Variants in PARG observed in about 807,000 individuals in gnomAD.
The protein encoded by PARG is poly(ADP-ribose) glycohydrolase.
PARG carries 35 observed loss-of-function variants against 113.0 expected under a neutral mutation model. The ratio of observed to expected loss-of-function variants is 0.31; its 90% confidence interval spans 0.24 to 0.41. The LOEUF is 0.41. Ranked by LOEUF, PARG falls within the 10% of genes least tolerant of loss-of-function variation. The pLI is 1.00. For missense variants in PARG, 797 were observed against 1,169.4 expected, an observed-to-expected ratio of 0.68 and a Z score of 4.64; for synonymous variants, 330 against 409.9, an observed-to-expected ratio of 0.81 and a Z score of 2.36.
intron 4 of PARG, among the ~76,000 whole-genome samples, chr10:49,930,106 C>A (rs1303201058): frequency 6.6e-6 from 1 of 152,186 alleles, no homozygotes; most frequent in Non-Finnish European, 1.5e-5. Flanking sequence ...AGCAAGGGAA[C>A]CTTGGCTCTG....
intron 7 of PARG, among the ~76,000 whole-genome samples, chr10:49,885,507 T>C (rs1156976746): frequency 1.3e-5 from 2 of 152,210 alleles, no homozygotes; most frequent in Admixed American, 1.3e-4. Flanking sequence ...ATATTTGGCA[T>C]TAAGGCAATT....
At chr10:49,929,036 T>G (rs1838358021) in intron 4 of PARG, among the ~76,000 whole-genome samples, 2 of 152,350 alleles carry the variant, frequency 1.3e-5, no homozygotes, top group Non-Finnish European at 2.9e-5. Flanking sequence ...ACAATAGTCT[T>G]GCATTGCTGT....
chr10:49,836,992 T>C (rs1196326997), intron 15 of PARG, among the ~76,000 whole-genome samples: 1 of 152,192 alleles, frequency 6.6e-6, no homozygotes, highest in East Asian at 1.9e-4. Flanking sequence ...TTTGCCACTT[T>C]TACAAGCTGA....
At chr10:49,852,293 A>G (rs189323357) in intron 13 of PARG, among the ~76,000 whole-genome samples, 212 of 152,218 alleles carry the variant, frequency 1.4e-3, no homozygotes, top group African/African-American at 3.0e-3. Context: ...AAGTCACCCC[A>G]TATGTCCTTA....
chr10:49,883,839 C>A (rs1345266966), intron 8 of PARG, among the ~76,000 whole-genome samples: 16 of 140,564 alleles, frequency 1.1e-4, no homozygotes, highest in Middle Eastern at 7.6e-3. Flanking sequence ...TGGTCTAATA[C>A]CCCTCCCCCT....
intron 15 of PARG, among the ~76,000 whole-genome samples, chr10:49,836,509 AAAG>A (rs1588878015): frequency 6.6e-6 from 1 of 152,034 alleles, no homozygotes. Flanking sequence ...ATATAAAATG[AAAG>A]AAGTATGCAG....
chr10:49,914,349 T>TA (rs1199833922), intron 7 of PARG, among the ~76,000 whole-genome samples: 1 of 152,202 alleles, frequency 6.6e-6, no homozygotes, highest in Non-Finnish European at 1.5e-5. Context: ...TCATATCAGA[T>TA]ATTACATTGC....
chr10:49,887,296 A>AT (rs553347099), intron 7 of PARG, among the ~76,000 whole-genome samples: 294 of 152,308 alleles, frequency 1.9e-3, no homozygotes, highest in African/African-American at 6.3e-3. Flanking sequence ...CAATGGTTAC[A>AT]TTTCACATTA....
At chr10:49,920,451 T>TAAAAAAAAAAAAA (rs781928566) in intron 6 of PARG, among the ~76,000 whole-genome samples, 13 of 39,854 alleles carry the variant, frequency 3.3e-4, no homozygotes, top group Non-Finnish European at 4.4e-4. Flanking sequence ...AGCCTCAAAT[T>TAAAAAAAAAAAAA]AAAAAAAAAA....
intron 12 of PARG, among the ~76,000 whole-genome samples, chr10:49,859,149 C>CAA (rs202032152): frequency 1.5e-4 from 18 of 117,502 alleles, no homozygotes; most frequent in Admixed American, 1.1e-3. Context: ...GGACACAGGG[C>CAA]AAAAAAAAAA....
chr10:49,932,043 T>G, intron 4 of PARG, 57 bp downstream of exon 4: 1 of 966,348 alleles, frequency 1.0e-6, no homozygotes, highest in Non-Finnish European at 1.6e-6. Flanking sequence ...TTAATAAATA[T>G]CACAATAAAT....
At chr10:49,885,736 C>T (rs1847445981) in intron 7 of PARG, among the ~76,000 whole-genome samples, 1 of 152,168 alleles carries the variant, frequency 6.6e-6, no homozygotes, top group Non-Finnish European at 1.5e-5. Context: ...TCCATAAAAG[C>T]CACATTAATG....
At chr10:49,931,783 G>T (rs1238535756) in intron 4 of PARG, among the ~76,000 whole-genome samples, 1 of 150,808 alleles carries the variant, frequency 6.6e-6, no homozygotes, top group Admixed American at 6.6e-5. Context: ...ACGAATGCAG[G>T]ATTCTGCAGT....
chr10:49,927,908 A>G (rs1777916782), intron 4 of PARG, among the ~76,000 whole-genome samples: 1 of 151,608 alleles, frequency 6.6e-6, no homozygotes, highest in Non-Finnish European at 1.5e-5. Context: ...GTGAGCCAAG[A>G]TCACACACCA....
chr10:49,910,882 C>G (rs2132813565), intron 7 of PARG, among the ~76,000 whole-genome samples: 1 of 151,356 alleles, frequency 6.6e-6, no homozygotes, highest in East Asian at 1.9e-4. Flanking sequence ...AGAAGAAACC[C>G]CCTTAAAAAT....
chr10:49,824,744 C>T (rs555882568), intron 16 of PARG, among the ~76,000 whole-genome samples: 4 of 152,172 alleles, frequency 2.6e-5, no homozygotes, highest in African/African-American at 4.8e-5. Flanking sequence ...CTCGTGATTC[C>T]TTACAAAAAC....
At chr10:49,929,497 T>C (rs1387058684) in intron 4 of PARG, among the ~76,000 whole-genome samples, 3 of 152,270 alleles carry the variant, frequency 2.0e-5, no homozygotes, top group African/African-American at 7.2e-5. Context: ...AAATTTGACA[T>C]AAAGTCATTT....
intron 8 of PARG, among the ~76,000 whole-genome samples, chr10:49,882,405 G>T (rs1356539708): frequency 6.6e-6 from 1 of 151,318 alleles, no homozygotes; most frequent in East Asian, 1.9e-4. Flanking sequence ...GCCACAAGAC[G>T]TATTTTGATC....
At chr10:49,842,095 C>T (rs1159215356) in intron 14 of PARG, 37 bp from the exon 15 acceptor site, 1 of 1,368,074 alleles carries the variant, frequency 7.3e-7, no homozygotes, top group Non-Finnish European at 1.0e-6. Flanking sequence ...AGATAAGGAA[C>T]AGGTAGTCGC....
Sources: allele counts gnomAD v4.1 joint callset (sites outside exome capture counted in the v4.1 genomes callset), GRCh38; gene constraint gnomAD v4.1.1; transcripts MANE v1.5; gene names NCBI Gene and HGNC (gene_info 2026-07-23, HGNC 2026-07-21).